The following COA8 variants were observed in gnomAD, a reference collection of about 807,000 sequenced individuals.
COA8 encodes the protein cytochrome c oxidase assembly factor 8.
COA8 carries 20 observed loss-of-function variants against 22.0 expected under a neutral mutation model. The observed-to-expected ratio is 0.91, with a 90% CI of 0.64 to 1.32. The LOEUF (loss-of-function observed/expected upper bound fraction) is 1.32. COA8 is among the 40% of genes most tolerant of loss of function. COA8 has a pLI of 0.00. For synonymous variants in COA8, 105 were observed against 79.9 expected (o/e 1.31, Z -1.68); for missense variants, 266 against 230.0 (o/e 1.16, Z -1.01).
Position 103,563,120 on chromosome 14 carries a change from G to A in COA8, c.119G>A (p.Ser40Asn). The stretch of plus-strand genomic sequence containing the variant: ...GCCGAGCGCAGGGATACGGCGCCCA[G>A]CGGGGTAAGCAGGGGCCTGGGGACA... Reference protein sequence around the residue: ...RGAERRDTAPSGVSRFCPPRK... With the variant: ...RGAERRDTAPNGVSRFCPPRK... Residue 40 changes from serine (S) to asparagine (N), a missense_variant, in exon 1 of 5, where the codon AGC becomes AAC. Transcript: ENST00000409074. 1 of 1,539,934 alleles carries A rather than the reference G, an allele frequency of 6.5e-7. No individual in the cohort carries two copies. The highest frequency in any genetic ancestry group is 8.7e-7 in the Non-Finnish European group (1 of 1,148,362).
At chr14:103,586,622 T>C (rs2076309104) in intron 3 of COA8, among the ~76,000 whole-genome samples, 1 of 147,150 alleles carries the variant, frequency 6.8e-6, no homozygotes, top group Admixed American at 7.1e-5. Context: ...ATTACAGGCA[T>C]GAGCTATCAC....
intron 3 of COA8, among the ~76,000 whole-genome samples, chr14:103,585,226 A>G (rs1290190458): frequency 6.7e-6 from 1 of 149,948 alleles, no homozygotes; most frequent in African/African-American, 2.5e-5. Context: ...CGCCTGTAAT[A>G]CCAGCACTTT....
intron 1 of COA8, chr14:103,563,456 T>G (rs928118958): frequency 2.3e-6 from 1 of 427,594 alleles, no homozygotes; most frequent in Non-Finnish European, 4.4e-6. Flanking sequence ...TTACCGTGCG[T>G]TTTTTTTCGT....
At chr14:103,564,641 G>T (rs1298786565) in intron 1 of COA8, among the ~76,000 whole-genome samples, 1 of 136,072 alleles carries the variant, frequency 7.3e-6, no homozygotes, top group Non-Finnish European at 1.5e-5. Flanking sequence ...GTACAGTGGC[G>T]TGATCTCAGC....
intron 4 of COA8, among the ~76,000 whole-genome samples, chr14:103,589,237 C>T (rs1230313263): frequency 6.6e-6 from 1 of 152,180 alleles, no homozygotes; most frequent in African/African-American, 2.4e-5. Flanking sequence ...ATGGCTTTTC[C>T]TTGAAGAACT....
chr14:103,587,690 G>T (rs1010704464), intron 4 of COA8, among the ~76,000 whole-genome samples: 1 of 151,412 alleles, frequency 6.6e-6, no homozygotes, highest in Non-Finnish European at 1.5e-5. Context: ...TGTATTTTTA[G>T]TAGAGACAGG....
intron 1 of COA8, among the ~76,000 whole-genome samples, chr14:103,570,648 G>T (rs559248857): frequency 5.9e-5 from 9 of 152,244 alleles, no homozygotes; most frequent in African/African-American, 2.2e-4. Context: ...CAGGAGAATC[G>T]CTTGAACCCG....
rs747556529 is a variant in COA8, at chr14:103,587,307, C to T, written c.419C>T (p.Ala140Val). The T allele has an allele frequency of 5.0e-5, 80 of 1,613,042 alleles. No individual in the cohort carries two copies. The highest frequency in any genetic ancestry group is 6.5e-5 in the Non-Finnish European group (77 of 1,179,510). The change falls in exon 4 of 5, where the codon GCG becomes GTG. Residue 140 changes from alanine (A) to valine (V), a missense_variant. Ala to Val is a moderately conservative substitution (Grantham distance 64). Transcript: ENST00000409074. ...QKATLNAEEM[A>V]DFYKEFLSKN... Reference sequence around the variant, plus strand: ...GCAACATTGAATGCAGAAGAAATGGCGGACTTCTACAAGGAATTTTTAAGT... The same window carrying T: ...GCAACATTGAATGCAGAAGAAATGGTGGACTTCTACAAGGAATTTTTAAGT...
rs952815270 is a variant in COA8 at position 103,581,500 on chromosome 14, C to T, written c.386-5774C>T. 2.5e-6 allele frequency: 1 copy of T among 396,942 alleles called. No homozygotes were observed. Among genetic ancestry groups the T allele is most frequent in the Non-Finnish European group, 4.4e-6 (1 of 225,272 alleles). The allele number at this position is 396,942 out of a possible 1,614,324, so 24.6% of individuals were successfully genotyped here. ...GACCTTGGGAGGTTTCATCACGCTA[C>T]TCAGAACAGCATGCAGTTCAAAACT... On this transcript the variant is annotated intron_variant, in intron 3 of 4. Transcript: ENST00000409074. This position sits in a 1 kb window ranked among gnomAD's most constrained non-coding sequence, Gnocchi z 4.1.
chr14:103,577,893 G>C (rs916877048), intron 3 of COA8, among the ~76,000 whole-genome samples: 1 of 151,844 alleles, frequency 6.6e-6, no homozygotes, highest in Non-Finnish European at 1.5e-5. Flanking sequence ...TCGTGGTGAT[G>C]CATGCCTGTA....
intron 1 of COA8, among the ~76,000 whole-genome samples, chr14:103,565,112 C>G (rs778379541): frequency 2.6e-5 from 4 of 152,064 alleles, no homozygotes; most frequent in Admixed American, 2.0e-4. Flanking sequence ...CATGCTGCCA[C>G]GCCTGGTTAA....
In COA8 at chr14:103,587,311, C is replaced by G; in HGVS notation, c.423C>G (p.Asp141Glu). 1 of 1,613,414 alleles carries G rather than the reference C, an allele frequency of 6.2e-7. No individual in the cohort carries two copies. Among genetic ancestry groups the G allele is most frequent in the Non-Finnish European group, 8.5e-7 (1 of 1,179,652 alleles). The change falls in exon 4 of 5, where the codon GAC becomes GAG. Residue 141 changes from aspartate (D) to glutamate (E), a missense_variant. Coordinates refer to ENST00000409074, the MANE Select transcript of COA8 (RefSeq NM_001370595.2). Reference sequence around the variant, plus strand: ...CATTGAATGCAGAAGAAATGGCGGACTTCTACAAGGAATTTTTAAGTAAAA... The same window carrying G: ...CATTGAATGCAGAAGAAATGGCGGAGTTCTACAAGGAATTTTTAAGTAAAA... ...KATLNAEEMADFYKEFLSKNF... is the reference protein window; with the variant it reads ...KATLNAEEMAEFYKEFLSKNF...
In COA8 at chr14:103,574,078, CTTT is replaced by C. The variant is rs11337243; in HGVS notation, c.322-6_322-4del. On this transcript the variant is annotated intron_variant, in intron 2 of 4. Coordinates refer to ENST00000409074, the MANE Select transcript of COA8 (RefSeq NM_001370595.2). ...AGACAGAGAAAGGAGTTCTGAGAGC[CTTT>C]TTTTTTTTTTTTTTTTTTTTTTAAG... The C allele has an allele frequency of 0.028, 27,473 of 995,688 alleles. 6 individuals are homozygous for C. The highest frequency in any genetic ancestry group is 0.05 in the East Asian group (1,340 of 26,848). 61.7% of individuals were successfully genotyped at this position (995,688 alleles called of 1,614,324 possible). A position where few individuals can be genotyped will look rare whatever the true frequency, so the allele number is the denominator to read the frequency against.
intron 1 of COA8, among the ~76,000 whole-genome samples, chr14:103,565,292 A>G (rs1436159395): frequency 6.6e-6 from 1 of 152,084 alleles, no homozygotes; most frequent in Non-Finnish European, 1.5e-5. Flanking sequence ...ATATTATAGA[A>G]CTTAAGAGTC....
chr14:103,588,197 G>C (rs1216937845), intron 4 of COA8: 1 of 382,626 alleles, frequency 2.6e-6, no homozygotes, highest in African/African-American at 2.1e-5. Context: ...AAATTAATAG[G>C]ACATGATATC....
At chr14:103,564,233 C>T (rs537679283) in intron 1 of COA8, among the ~76,000 whole-genome samples, 17 of 152,194 alleles carry the variant, frequency 1.1e-4, no homozygotes, top group African/African-American at 4.1e-4. Flanking sequence ...TGTTAGTACA[C>T]TTTCATAATT....
intron 4 of COA8, 103 bp downstream of exon 4, chr14:103,587,467 A>T: frequency 5.1e-6 from 3 of 594,028 alleles, no homozygotes; most frequent in Non-Finnish European, 8.4e-6. Flanking sequence ...TATCAGAGGT[A>T]GAAGTTGCAA....
intron 3 of COA8, among the ~76,000 whole-genome samples, chr14:103,585,757 G>T (rs1162249297): frequency 6.6e-6 from 1 of 151,610 alleles, no homozygotes; most frequent in African/African-American, 2.4e-5. Context: ...TGTACTTTTA[G>T]TAGAGACGGG....
chr14:103,574,384 T>A (rs1327873101), intron 3 of COA8: 7 of 713,012 alleles, frequency 9.8e-6, no homozygotes, highest in Non-Finnish European at 1.7e-5. Flanking sequence ...TCTCTCCGGA[T>A]TTTAGGTGGT....
Sources: gnomAD v4.1 joint callset for allele counts (sites outside exome capture counted in the v4.1 genomes callset) on GRCh38, gnomAD v4.1.1 for gene constraint, Gnocchi (gnomAD v3.1) non-coding constraint, MANE v1.5 for transcripts, NCBI Gene and HGNC (gene_info 2026-07-23, HGNC 2026-07-21) for gene names.